VPS11: variants seen among roughly 807,000 people sequenced by gnomAD.
VPS11 encodes VPS11 core subunit of CORVET and HOPS complexes.
VPS11 carries 51 observed loss-of-function variants against 106.8 expected under a neutral mutation model. The observed-to-expected ratio is 0.48, with a 90% CI of 0.38 to 0.60. VPS11 has a LOEUF of 0.60. Among genes scored for constraint, VPS11 ranks in the 20% least tolerant of loss-of-function variants. VPS11 has a pLI of 0.00. For missense variants in VPS11, 950 were observed against 1,190.0 expected (o/e 0.80, Z 2.97); for synonymous variants, 453 against 458.7 (o/e 0.99, Z 0.16).
chr11:119,076,830 A>AT (rs1254189689), intron 7 of VPS11, 67 bp from the exon 8 acceptor site: 1 of 1,559,198 alleles, frequency 6.4e-7, no homozygotes, highest in Non-Finnish European at 8.8e-7. Context: ...TCTGCAAGTG[A>AT]TTCCTGTGTA....
intron 1 of VPS11, among the ~76,000 whole-genome samples, chr11:119,068,443 CCTTTTTTTTT>C (rs1945211005): frequency 5.6e-5 from 2 of 35,796 alleles, no homozygotes; most frequent in South Asian, 1.4e-3. Flanking sequence ...GGCCTTTTTA[CCTTTTTTTTT>C]TTTTTTTTTT....
chr11:119,075,050 A>G (rs560425610), intron 7 of VPS11, among the ~76,000 whole-genome samples: 23 of 150,504 alleles, frequency 1.5e-4, no homozygotes, highest in African/African-American at 5.6e-4. Context: ...GTGGATCACG[A>G]GGTCAGGAGA....
rs782029499 is a variant in VPS11 at position 119,071,645 on chromosome 11, A to G, written c.686A>G (p.His229Arg). The G allele has an allele frequency of 6.2e-7, 1 of 1,613,856 alleles. No individual in the cohort carries two copies. The highest frequency in any genetic ancestry group is 8.5e-7 in the Non-Finnish European group (1 of 1,179,900). ...KDYPRVELDT[H>R]GCGLRCSALS... ...TACCCTCGCGTGGAGTTGGACACCC[A>G]TGGTTGTGGCCTGCGCTGCTCAGCC... The change falls in exon 5 of 16, where the codon CAT becomes CGT. Residue 229 changes from histidine (H) to arginine (R), a missense_variant. Coordinates refer to ENST00000621676, the MANE Select transcript of VPS11 (RefSeq NM_021729.6).
rs575027699 is a variant in VPS11, at chr11:119,075,049, G to C, written c.1238+1098G>C. Among the ~76,000 whole-genome samples, 343 of 149,460 alleles carry C rather than the reference G, an allele frequency of 2.3e-3. 1 individual carries two copies. Among genetic ancestry groups the C allele is most frequent in the Non-Finnish European group, 3.9e-3 (261 of 67,072 alleles). On this transcript the variant is annotated intron_variant, in intron 7 of 15. Coordinates refer to ENST00000621676, the MANE Select transcript of VPS11 (RefSeq NM_021729.6). ...TGGGAGGCTGAGGCGGGTGGATCAC[G>C]AGGTCAGGAGATCGAGACCATCCTG...
At chr11:119,081,386 C>T (rs782732467) in intron 15 of VPS11, 72 bp downstream of exon 15, 63 of 1,611,084 alleles carry the variant, frequency 3.9e-5, no homozygotes, top group Non-Finnish European at 5.1e-5. Flanking sequence ...GGCTTGTTTC[C>T]TTATCACCTC....
chr11:119,073,065 T>G, intron 5 of VPS11, 133 bp from the exon 6 acceptor site: 6 of 959,204 alleles, frequency 6.3e-6, no homozygotes, highest in Non-Finnish European at 9.5e-6. Flanking sequence ...CAGCGCTGCA[T>G]GTTATGGGAT....
intron 5 of VPS11, 129 bp downstream of exon 5, chr11:119,071,972 TTC>T: frequency 7.6e-7 from 1 of 1,309,464 alleles, no homozygotes. Flanking sequence ...TAGGTAACAT[TTC>T]TGTTTTTTTT....
At position 119,073,946 on chromosome 11, in the gene VPS11, T is replaced by C. The variant is rs782754045; in HGVS notation, c.1233T>C (p.Tyr411=). ...ACCACGATGGGGCTGTCCAGCAATA[T>C]ATCCGGTCAGTCTGGAGGCACTTTG... ...KGNHDGAVQQ[Y]IRTIGKLEPS... is the part of the protein sequence containing the mutation. Residue 411 remains tyrosine (Y), a synonymous_variant, in exon 7 of 16, where the codon TAT becomes TAC. Transcript: ENST00000621676. 3.1e-6 allele frequency: 5 copies of C among 1,611,568 alleles called. No homozygotes were observed. Among genetic ancestry groups the C allele is most frequent in the Non-Finnish European group, 4.2e-6 (5 of 1,178,782 alleles).
At chr11:119,073,080 G>A in intron 5 of VPS11, 118 bp from the exon 6 acceptor site, 4 of 1,153,514 alleles carry the variant, frequency 3.5e-6, no homozygotes, top group Admixed American at 2.1e-5. Flanking sequence ...TGGGATGAGA[G>A]GGACCAGAGA....
In VPS11 at chr11:119,069,261, C is replaced by T. The variant is rs11217141; in HGVS notation, c.253C>T (p.Leu85=). The T allele has an allele frequency of 6.2e-7, 1 of 1,614,004 alleles. No homozygotes were observed. The highest frequency in any genetic ancestry group is 1.3e-5 in the African/African-American group (1 of 75,038). The part of the protein sequence containing the change: ...LQLTGFQAYK[L]RVTHLYQLKQ... ...GCTTACAGGCTTCCAAGCCTACAAA[C>T]TACGGGTGACACACCTGTACCAACT... Residue 85 remains leucine (L), a synonymous_variant, in exon 2 of 16, where the codon CTA becomes TTA. Transcript: ENST00000621676.
chr11:119,081,038 C>G (rs1007251524), intron 14 of VPS11, 54 bp from the exon 15 acceptor site: 1 of 1,530,684 alleles, frequency 6.5e-7, no homozygotes, highest in African/African-American at 1.4e-5. Context: ...TCATCCTTGA[C>G]TCCTGGCCTT....
rs2133640075 is a variant in VPS11 at position 119,067,976 on chromosome 11, C to T, written c.153C>T (p.Val51=). 3.1e-6 allele frequency: 5 copies of T among 1,612,786 alleles called. No individual in the cohort carries two copies. The highest frequency in any genetic ancestry group is 4.2e-6 in the Non-Finnish European group (5 of 1,179,332). ...KFLCLPPGIT[V]CDSGRGSLVF... ...TTTGCCTCCCTCCTGGCATCACTGT[C>T]TGCGACTCAGGCCGAGGGAGCCTGG... The change falls in exon 1 of 16, where the codon GTC becomes GTT. Residue 51 remains valine, a synonymous_variant. Transcript: ENST00000621676.
At chr11:119,080,884 C>T (rs1363334128) in intron 14 of VPS11, among the ~76,000 whole-genome samples, 1 of 152,154 alleles carries the variant, frequency 6.6e-6, no homozygotes, top group Non-Finnish European at 1.5e-5. Context: ...GCTGAGTTGG[C>T]CTTGTTGGGA....
At chr11:119,073,119 C>A in intron 5 of VPS11, 79 bp from the exon 6 acceptor site, 1 of 1,511,854 alleles carries the variant, frequency 6.6e-7, no homozygotes, top group Non-Finnish European at 9.0e-7. Context: ...AAATGTGCAC[C>A]AAAGTTATCA....
At chr11:119,077,794 T>C in intron 9 of VPS11, 84 bp from the exon 10 acceptor site, 2 of 1,569,432 alleles carry the variant, frequency 1.3e-6, no homozygotes, top group Non-Finnish European at 1.7e-6. Context: ...CCTGTCGTTT[T>C]TGAAGACATC....
chr11:119,077,473 A>G (rs1267301516), intron 8 of VPS11, 28 bp from the exon 9 acceptor site: 1 of 1,609,140 alleles, frequency 6.2e-7, no homozygotes, highest in Non-Finnish European at 8.5e-7. Context: ...CTCTGTGTAA[A>G]TGATTTTGTC....
intron 5 of VPS11, 144 bp downstream of exon 5, chr11:119,071,987 T>TTTGAGA: frequency 1.7e-6 from 2 of 1,203,196 alleles, no homozygotes; most frequent in Non-Finnish European, 2.3e-6. Context: ...TTTTTTTTTT[T>TTTGAGA]TGAGATGGAG....
intron 4 of VPS11, 63 bp downstream of exon 4, chr11:119,070,460 T>G: frequency 6.7e-7 from 1 of 1,501,880 alleles, no homozygotes; most frequent in South Asian, 1.3e-5. Context: ...TTCAGGGGGA[T>G]AGGGTAATGA....
At chr11:119,080,030 G>A (rs577230883) in intron 14 of VPS11, among the ~76,000 whole-genome samples, 1 of 152,288 alleles carries the variant, frequency 6.6e-6, no homozygotes, top group South Asian at 2.1e-4. Flanking sequence ...TTGTAGAAGA[G>A]ACAGACAGCA....
Sources: gnomAD v4.1 joint callset for allele counts (sites outside exome capture counted in the v4.1 genomes callset) on GRCh38, gnomAD v4.1.1 for gene constraint, MANE v1.5 for transcripts, NCBI Gene and HGNC (gene_info 2026-07-23, HGNC 2026-07-21) for gene names.